RIIAD1: variants seen among roughly 807,000 people sequenced by gnomAD.
RIIAD1 encodes the protein RIIa domain-containing protein 1.
In RIIAD1, 15 loss-of-function variants were observed where a neutral mutation model predicts 13.3. The ratio of observed to expected loss-of-function variants is 1.13; its 90% CI spans 0.76 to 1.74. The LOEUF (loss-of-function observed/expected upper bound fraction) is 1.74. RIIAD1 is among the 40% of genes most tolerant of loss of function. The pLI, the probability that RIIAD1 is intolerant of heterozygous loss-of-function variation, is 0.00. For missense variants in RIIAD1, 121 were observed against 112.2 expected (o/e 1.08, Z -0.35); for synonymous variants, 50 against 43.3 (o/e 1.16, Z -0.61).
intron 3 of RIIAD1, among the ~76,000 whole-genome samples, chr1:151,713,764 T>G (rs7537265): frequency 0.77 from 117,334 of 152,166 alleles, 45,411 homozygotes; most frequent in South Asian, 0.82. Context: ...GGATAAGATC[T>G]TTGGTGGGCG....
intron 2 of RIIAD1, among the ~76,000 whole-genome samples, chr1:151,723,817 A>T (rs1379590407): frequency 6.6e-6 from 1 of 152,242 alleles, no homozygotes; most frequent in African/African-American, 2.4e-5. Context: ...CTATCCAGTT[A>T]TGAAGGTTGG....
At position 151,714,293 on chromosome 1, in the gene RIIAD1, C is replaced by T. The variant is rs922077117; in HGVS notation, c.-89-127C>T. 1.9e-5 allele frequency: 11 copies of T among 580,200 alleles called. No individual in the cohort carries two copies. In the African/African-American group the frequency reaches 2.1e-4, roughly 11 times the overall value. 35.9% of individuals were successfully genotyped at this position (580,200 alleles called of 1,614,324 possible). A position where few individuals can be genotyped will look rare whatever the true frequency, so the allele number is the denominator to read the frequency against. On this transcript the variant is annotated intron_variant, in intron 3 of 8. Transcript: ENST00000326413. ...TGGTGTCCAGAGACTTTTCCCCACA[C>T]CTTCCAACCAGCGAGTCCTCCCTCT...
chr1:151,718,272 AC>A (rs780595195), upstream of RIIAD1, among the ~76,000 whole-genome samples: 22 of 151,170 alleles, frequency 1.5e-4, no homozygotes, highest in Non-Finnish European at 2.5e-4. Flanking sequence ...AACCCTCACC[AC>A]CCCCCTATGA....
At chr1:151,723,615 G>A (rs1295640127) in intron 2 of RIIAD1, among the ~76,000 whole-genome samples, 2 of 152,156 alleles carry the variant, frequency 1.3e-5, no homozygotes, top group Admixed American at 1.3e-4. Flanking sequence ...CAGGAGAATC[G>A]CTTAAACCTG....
chr1:151,722,375 A>T (rs1207980966), intron 2 of RIIAD1, among the ~76,000 whole-genome samples: 1 of 152,224 alleles, frequency 6.6e-6, no homozygotes, highest in African/African-American at 2.4e-5. Context: ...ACTATTCTCA[A>T]CCATAGGAGC....
chr1:151,716,821 C>G (rs748025521), upstream of RIIAD1: 7 of 466,936 alleles, frequency 1.5e-5, no homozygotes, highest in African/African-American at 8.1e-5. Flanking sequence ...TCCACACCCC[C>G]CTCCCCACTC....
rs191437156 is a variant in RIIAD1, at chr1:151,714,146, A to G, written c.-89-274A>G. On this transcript the variant is annotated intron_variant, in intron 3 of 8. Coordinates refer to the RIIAD1 transcript ENST00000326413. ...CTCAAGAACCAGCACCGAGATGCCA[A>G]TCTAGCCGGCACCAGCTGCCTGTTC... Among the ~76,000 whole-genome samples the G allele has an allele frequency of 3.0e-3, 463 of 152,138 alleles. 1 individual carries two copies. Among genetic ancestry groups the G allele is most frequent in the Non-Finnish European group, 5.2e-3 (354 of 67,988 alleles).
At chr1:151,729,259 G>C (rs954857573) in intron 4 of RIIAD1, among the ~76,000 whole-genome samples, 1 of 152,044 alleles carries the variant, frequency 6.6e-6, no homozygotes, top group Non-Finnish European at 1.5e-5. Flanking sequence ...GAGGGGAGAC[G>C]GTTCCATTGC....
intron 2 of RIIAD1, among the ~76,000 whole-genome samples, chr1:151,723,263 A>T (rs1353110622): frequency 6.6e-6 from 1 of 152,128 alleles, no homozygotes; most frequent in East Asian, 1.9e-4. Flanking sequence ...GCGTGGTGGC[A>T]CATGCCTGTA....
chr1:151,726,902 T>A (rs1227810722), intron 2 of RIIAD1, among the ~76,000 whole-genome samples: 5 of 152,210 alleles, frequency 3.3e-5, no homozygotes, highest in Non-Finnish European at 4.4e-5. Flanking sequence ...ACTCAGGACA[T>A]TGTGGGGCTG....
At chr1:151,719,793 C>A, upstream of RIIAD1, 1 of 602,384 alleles carries the variant, frequency 1.7e-6, no homozygotes, top group Non-Finnish European at 3.0e-6. Context: ...AGGATGTGAT[C>A]AGTGAAGAAA....
upstream of RIIAD1, chr1:151,716,691 AGT>A: frequency 1.0e-4 from 5 of 48,246 alleles, no homozygotes; most frequent in South Asian, 1.0e-4. Flanking sequence ...CCCCCACCCC[AGT>A]CCCCGGGCCT....
chr1:151,713,702 ATG>A (rs1673215562), intron 3 of RIIAD1: 1 of 153,350 alleles, frequency 6.5e-6, no homozygotes, highest in Non-Finnish European at 1.5e-5. Flanking sequence ...ACACACGTGC[ATG>A]GCCCTTAACT....
upstream of RIIAD1, among the ~76,000 whole-genome samples, chr1:151,720,670 GAA>G (rs1393394560): frequency 1.3e-5 from 2 of 152,164 alleles, no homozygotes; most frequent in African/African-American, 2.4e-5. Flanking sequence ...TCACAAATCT[GAA>G]AAGACAGCCT....
upstream of RIIAD1, among the ~76,000 whole-genome samples, chr1:151,718,328 CA>C (rs5777783): frequency 0.36 from 55,391 of 152,082 alleles, 12,414 homozygotes; most frequent in Non-Finnish European, 0.52. Context: ...AACCAAGACA[CA>C]GAGCTGAAAT....
At chr1:151,721,509 G>A, upstream of RIIAD1, 2 of 1,284,478 alleles carry the variant, frequency 1.6e-6, no homozygotes, top group Non-Finnish European at 2.0e-6. Context: ...GCCGGCTCGC[G>A]GCCGGTCGCC....
upstream of RIIAD1, among the ~76,000 whole-genome samples, chr1:151,719,923 G>T (rs143989147): frequency 8.5e-5 from 13 of 152,302 alleles, no homozygotes; most frequent in African/African-American, 3.1e-4. Flanking sequence ...GTGTTTGAGT[G>T]TGTAGGTTTG....
At chr1:151,721,292 C>A (rs1162826407), upstream of RIIAD1, among the ~76,000 whole-genome samples, 5 of 152,140 alleles carry the variant, frequency 3.3e-5, no homozygotes, top group African/African-American at 1.2e-4. Flanking sequence ...ACAAAAAAAC[C>A]CTGAAGTTGG....
intron 2 of RIIAD1, among the ~76,000 whole-genome samples, chr1:151,713,120 T>A (rs773436672): frequency 6.6e-6 from 1 of 152,180 alleles, no homozygotes; most frequent in Admixed American, 6.5e-5. Context: ...GGAAGCTGTG[T>A]CAGGTCCCTC....
Sources: allele counts gnomAD v4.1 joint callset (sites outside exome capture counted in the v4.1 genomes callset), GRCh38; gene constraint gnomAD v4.1.1; transcripts MANE v1.5; gene names NCBI Gene and HGNC (gene_info 2026-07-23, HGNC 2026-07-21).